ARK2N: variants seen among roughly 807,000 people sequenced by gnomAD.
The protein encoded by ARK2N is arkadia (RNF111) N-terminal like PKA signaling regulator 2N.
At chr18:46,204,198 T>C in the ARK2N span, among the ~76,000 whole-genome samples, 1 of 151,898 alleles carries the variant, frequency 6.6e-6, no homozygotes, top group Non-Finnish European at 1.5e-5. Context: ...CTGTGATAAA[T>C]TCTATTCAAA....
chr18:46,221,040 G>A, the ARK2N span, among the ~76,000 whole-genome samples: 1 of 152,146 alleles, frequency 6.6e-6, no homozygotes, highest in African/African-American at 2.4e-5. Flanking sequence ...GGAGGCTGGT[G>A]TGGGAGGATT....
chr18:46,207,261 C>T, the ARK2N span, among the ~76,000 whole-genome samples: 1 of 151,956 alleles, frequency 6.6e-6, no homozygotes, highest in African/African-American at 2.4e-5. Flanking sequence ...TATTTCTAGT[C>T]CACTGTGGAT....
the ARK2N span, among the ~76,000 whole-genome samples, chr18:46,251,899 G>A: frequency 2.6e-4 from 39 of 152,236 alleles, no homozygotes; most frequent in Admixed American, 2.6e-4. Flanking sequence ...GAGTATGAAA[G>A]TACAGGATTT....
chr18:46,258,134 C>G, the ARK2N span, among the ~76,000 whole-genome samples: 1 of 152,098 alleles, frequency 6.6e-6, no homozygotes, highest in Admixed American at 6.5e-5. Context: ...CCATGTTGCC[C>G]CGGCTGGTCG....
the ARK2N span, among the ~76,000 whole-genome samples, chr18:46,223,120 G>A: frequency 2.0e-5 from 3 of 152,128 alleles, no homozygotes; most frequent in African/African-American, 4.8e-5. Flanking sequence ...TAAGTAATGC[G>A]AGAATCTAAA....
chr18:46,201,208 C>G, the ARK2N span, among the ~76,000 whole-genome samples: 1 of 152,016 alleles, frequency 6.6e-6, no homozygotes, highest in Non-Finnish European at 1.5e-5. Context: ...GTCTTGAACT[C>G]TTGAGCTCAA....
chr18:46,230,389 T>TA, the ARK2N span, among the ~76,000 whole-genome samples: 1 of 152,222 alleles, frequency 6.6e-6, no homozygotes, highest in Non-Finnish European at 1.5e-5. Flanking sequence ...ATGTAGCTAT[T>TA]GTTTAAGTCC....
the ARK2N span, chr18:46,239,884 T>C: frequency 2.3e-6 from 2 of 876,080 alleles, no homozygotes; most frequent in Non-Finnish European, 3.6e-6. Context: ...ATCTATAAAG[T>C]GCAGCTTTTC....
chr18:46,212,990 ATTTTTTT>A, the ARK2N span, among the ~76,000 whole-genome samples: 28 of 80,516 alleles, frequency 3.5e-4, no homozygotes, highest in African/African-American at 6.5e-4. Context: ...TTTAAGAAGA[ATTTTTTT>A]TTTTTTTTTT....
the ARK2N span, among the ~76,000 whole-genome samples, chr18:46,206,507 CT>C: frequency 1.3e-5 from 2 of 152,160 alleles, no homozygotes; most frequent in African/African-American, 4.8e-5. Context: ...TCTCCTCTCT[CT>C]TTAAAATATC....
the ARK2N span, chr18:46,266,945 G>A: frequency 2.0e-5 from 3 of 150,174 alleles, no homozygotes; most frequent in East Asian, 1.9e-4. Flanking sequence ...TAGCATAAAG[G>A]TTAAACTATT....
the ARK2N span, among the ~76,000 whole-genome samples, chr18:46,203,200 G>T: frequency 6.6e-6 from 1 of 152,194 alleles, no homozygotes; most frequent in South Asian, 2.1e-4. Context: ...AACTTTTCAT[G>T]AATGCGTTGC....
the ARK2N span, among the ~76,000 whole-genome samples, chr18:46,236,019 C>T: frequency 6.6e-6 from 1 of 152,034 alleles, no homozygotes; most frequent in East Asian, 1.9e-4. Flanking sequence ...ACAGATACTT[C>T]TATATTTTGG....
the ARK2N span, among the ~76,000 whole-genome samples, chr18:46,231,499 A>G: frequency 1.3e-5 from 2 of 151,758 alleles, no homozygotes; most frequent in Non-Finnish European, 1.5e-5. Flanking sequence ...TTGCCTACAT[A>G]TAAACCTAGT....
chr18:46,216,065 T>C, the ARK2N span: 2 of 1,614,122 alleles, frequency 1.2e-6, no homozygotes, highest in Non-Finnish European at 1.7e-6. This position sits in a 1 kb window ranked among gnomAD's most constrained non-coding sequence, Gnocchi z 4.3. Flanking sequence ...TTGATGGAAC[T>C]GAGAAGGGAC....
the ARK2N span, among the ~76,000 whole-genome samples, chr18:46,244,601 A>ACTTTT: frequency 1.1e-5 from 1 of 93,840 alleles, no homozygotes; most frequent in Non-Finnish European, 2.0e-5. Context: ...AAGAGTTTAG[A>ACTTTT]TTTTTTTTTT....
At chr18:46,204,289 A>T in the ARK2N span, among the ~76,000 whole-genome samples, 1 of 152,198 alleles carries the variant, frequency 6.6e-6, no homozygotes, top group Non-Finnish European at 1.5e-5. Context: ...GATAAATAGC[A>T]TAAGGTTTCC....
At chr18:46,241,062 A>G in the ARK2N span, among the ~76,000 whole-genome samples, 11 of 152,244 alleles carry the variant, frequency 7.2e-5, no homozygotes, top group Non-Finnish European at 1.5e-4. Context: ...TAATAGTTTA[A>G]TCACTACCTA....
chr18:46,189,212 C>CAAAAAAAAAAAA, the ARK2N span, among the ~76,000 whole-genome samples: 1 of 86,870 alleles, frequency 1.2e-5, no homozygotes, highest in African/African-American at 4.8e-5. Flanking sequence ...GAGACTGTCT[C>CAAAAAAAAAAAA]AAAAAAAAAA....
Sources: allele counts gnomAD v4.1 joint callset (sites outside exome capture counted in the v4.1 genomes callset), GRCh38; gene constraint gnomAD v4.1.1; non-coding constraint Gnocchi (gnomAD v3.1); transcripts MANE v1.5; gene names NCBI Gene and HGNC (gene_info 2026-07-23, HGNC 2026-07-21).